The following PIEZO2 variants were observed in gnomAD, a reference collection of about 807,000 sequenced individuals.
The protein encoded by PIEZO2 is piezo-type mechanosensitive ion channel component 2.
Under a neutral mutation model 337.3 loss-of-function variants are expected in PIEZO2, and 172 were observed. The observed-to-expected ratio is 0.51, with a 90% CI of 0.45 to 0.58. The LOEUF is 0.58. PIEZO2 is among the 20% of genes least tolerant of loss of function. PIEZO2 has a pLI of 0.00. For synonymous variants in PIEZO2, 1,251 were observed against 1,228.5 expected (o/e 1.02, Z -0.38); for missense variants, 3,028 against 3,391.3 (o/e 0.89, Z 2.66).
rs183732463 is a variant in PIEZO2 at position 10,733,908 on chromosome 18, C to T, written c.4914+1324G>A. Among the ~76,000 whole-genome samples, 215 of 152,286 alleles carry T rather than the reference C, an allele frequency of 1.4e-3. 1 individual carries two copies. The highest frequency in any genetic ancestry group is 0.014 in the Middle Eastern group (4 of 294). The stretch of plus-strand genomic sequence containing the variant: ...CCAAAGAGCTACTACCAGTAGCATG[C>T]GTTCCTGACTTTATCTTAAATTTTA... On this transcript the variant is annotated intron_variant, in intron 35 of 55. Transcript: ENST00000674853.
intron 1 of PIEZO2, among the ~76,000 whole-genome samples, chr18:11,124,225 C>A (rs1362701407): frequency 6.6e-6 from 1 of 152,108 alleles, no homozygotes; most frequent in Non-Finnish European, 1.5e-5. Context: ...ATGTGAGTTG[C>A]TCAATATTTG....
intron 3 of PIEZO2, among the ~76,000 whole-genome samples, chr18:10,965,999 C>T (rs1056874771): frequency 3.3e-5 from 5 of 152,098 alleles, no homozygotes; most frequent in African/African-American, 1.2e-4. Flanking sequence ...TTGCTCTGAA[C>T]GGATAAAGAA....
At chr18:10,887,032 C>T (rs988920706) in intron 4 of PIEZO2, among the ~76,000 whole-genome samples, 4 of 144,810 alleles carry the variant, frequency 2.8e-5, no homozygotes, top group Non-Finnish European at 4.5e-5. Context: ...GCAAGAGAGA[C>T]GGAGAGTTGT....
intron 4 of PIEZO2, among the ~76,000 whole-genome samples, chr18:10,907,528 C>T (rs1478653706): frequency 3.3e-5 from 5 of 152,126 alleles, no homozygotes; most frequent in Non-Finnish European, 7.4e-5. Context: ...TGACACACCC[C>T]GTGGAGGCGA....
chr18:10,896,526 C>T (rs1043668278), intron 4 of PIEZO2, among the ~76,000 whole-genome samples: 25 of 152,066 alleles, frequency 1.6e-4, no homozygotes, highest in Non-Finnish European at 3.5e-4. Flanking sequence ...GTTTTCAAAC[C>T]CAAACATTTC....
chr18:10,906,299 A>G (rs1456396139), intron 4 of PIEZO2, among the ~76,000 whole-genome samples: 1 of 152,256 alleles, frequency 6.6e-6, no homozygotes, highest in Non-Finnish European at 1.5e-5. Flanking sequence ...ATCTGAAGTA[A>G]TGTTCTGATT....
rs1599008493 is a variant in PIEZO2 at position 11,132,134 on chromosome 18, A to C, written c.64+16391T>G. ...CTCTTCCAACATGGAAAGAGGAGAG[A>C]TTTGTTCTCACTGGAATAGACACTT... On this transcript the variant is annotated intron_variant, in intron 1 of 55. Coordinates refer to ENST00000674853, the MANE Select transcript of PIEZO2 (RefSeq NM_001378183.1). The surrounding 1 kb of genome is among the most constrained non-coding windows in gnomAD (Gnocchi z 4.7). 6.6e-6 allele frequency among the ~76,000 whole-genome samples: 1 copy of C among 152,066 alleles called. No homozygotes were observed. Among genetic ancestry groups the C allele is most frequent in the Non-Finnish European group, 1.5e-5 (1 of 68,010 alleles).
Position 10,903,563 on chromosome 18 carries a change from G to C in PIEZO2, c.329+7623C>G, listed in dbSNP as rs991808936. 7.9e-5 allele frequency among the ~76,000 whole-genome samples: 12 copies of C among 152,212 alleles called. No homozygotes were observed. Among genetic ancestry groups the C allele is most frequent in the African/African-American group, 2.9e-4 (12 of 41,524 alleles). On this transcript the variant is annotated intron_variant, in intron 4 of 55. Coordinates refer to ENST00000674853, the MANE Select transcript of PIEZO2 (RefSeq NM_001378183.1). The surrounding 1 kb of genome is among the most constrained non-coding windows in gnomAD (Gnocchi z 4.1). ...CGCGCTCCTGTAGTCCCAGCTACTT[G>C]GGAGGCTGAGGCAGGAGAATGGCAT...
chr18:10,704,342 C>T (rs907517227), intron 42 of PIEZO2, 52 bp downstream of exon 42: 14 of 1,521,148 alleles, frequency 9.2e-6, no homozygotes, highest in Non-Finnish European at 1.2e-5. Context: ...AGGTATGCTT[C>T]CCCTTGCATA....
At chr18:10,749,112 G>C (rs999817873) in intron 29 of PIEZO2, among the ~76,000 whole-genome samples, 2 of 152,090 alleles carry the variant, frequency 1.3e-5, no homozygotes, top group African/African-American at 2.4e-5. Flanking sequence ...TCCCAGTGAG[G>C]CTTCGGCAAA....
chr18:10,932,267 A>G (rs561088260), intron 3 of PIEZO2, among the ~76,000 whole-genome samples: 71 of 152,250 alleles, frequency 4.7e-4, no homozygotes, highest in African/African-American at 1.7e-3. Context: ...ATGGTGGCAC[A>G]TGCCTGTGGT....
intron 2 of PIEZO2, among the ~76,000 whole-genome samples, chr18:11,006,549 T>G (rs779318793): frequency 5.3e-5 from 8 of 152,120 alleles, no homozygotes; most frequent in Admixed American, 2.0e-4. Context: ...TTTATGGAGA[T>G]CCAAACTTTA....
At chr18:10,752,603 C>T (rs754836824) in intron 28 of PIEZO2, 33 bp downstream of exon 28, 137 of 1,532,804 alleles carry the variant, frequency 8.9e-5, no homozygotes, top group Non-Finnish European at 1.2e-4. Flanking sequence ...TACACGAAAA[C>T]CGCAAATGTG....
At chr18:10,780,204 T>C in intron 18 of PIEZO2, 121 bp downstream of exon 18, 2 of 661,520 alleles carry the variant, frequency 3.0e-6, no homozygotes, top group Admixed American at 2.1e-5. Flanking sequence ...TCCATGAGCA[T>C]ACCTGAAGAC....
At chr18:10,725,178 C>G in intron 36 of PIEZO2, 1 of 1,525,982 alleles carries the variant, frequency 6.6e-7, no homozygotes, top group Non-Finnish European at 9.1e-7. Context: ...GACAGTTCAT[C>G]CATCAGGCAG....
intron 2 of PIEZO2, among the ~76,000 whole-genome samples, chr18:11,010,954 C>T (rs1316359426): frequency 6.6e-6 from 1 of 152,194 alleles, no homozygotes; most frequent in Non-Finnish European, 1.5e-5. Flanking sequence ...ATTAGTTTTT[C>T]AATGTGCTAA....
At chr18:10,886,496 A>ATATATATATG in intron 4 of PIEZO2, among the ~76,000 whole-genome samples, 2 of 123,416 alleles carry the variant, frequency 1.6e-5, no homozygotes, top group African/African-American at 6.9e-5. Flanking sequence ...CCATATATAT[A>ATATATATATG]TACGCATATA....
At position 11,127,803 on chromosome 18, in the gene PIEZO2, A is replaced by ATGTGTGTGTGTG. The variant is rs34849868; in HGVS notation, c.64+20710_64+20721dup. On this transcript the variant is annotated intron_variant, in intron 1 of 55. Transcript: ENST00000674853. This position sits in a 1 kb window ranked among gnomAD's most constrained non-coding sequence, Gnocchi z 4.5. ...TGCATATACGTGTGTGTGTGTGTGC[A>ATGTGTGTGTGTG]TGTGTGTGTGTGTGTGTGTGTGTAT... Among the ~76,000 whole-genome samples, 5,859 of 146,748 alleles carry ATGTGTGTGTGTG rather than the reference A, an allele frequency of 0.04. 138 individuals carry two copies. The highest frequency in any genetic ancestry group is 0.053 in the Non-Finnish European group (3,573 of 67,004).
Position 10,855,065 on chromosome 18 carries a change from C to T in PIEZO2, c.917+288G>A, listed in dbSNP as rs2041665200. ...TTCGGTGTAAAATGTTCTTCCTGAT[C>T]TTCTTCCCCAGCTGAGACTCTGTGT... On this transcript the variant is annotated intron_variant, in intron 7 of 55. Coordinates refer to ENST00000674853, the MANE Select transcript of PIEZO2 (RefSeq NM_001378183.1). The surrounding 1 kb of genome is among the most constrained non-coding windows in gnomAD (Gnocchi z 4.9). Among the ~76,000 whole-genome samples, 1 of 152,160 alleles carries T rather than the reference C, an allele frequency of 6.6e-6. No homozygotes were observed. Among genetic ancestry groups the T allele is most frequent in the Admixed American group, 6.5e-5 (1 of 15,272 alleles).
Sources: allele counts gnomAD v4.1 joint callset (sites outside exome capture counted in the v4.1 genomes callset), GRCh38; gene constraint gnomAD v4.1.1; non-coding constraint Gnocchi (gnomAD v3.1); transcripts MANE v1.5; gene names NCBI Gene and HGNC (gene_info 2026-07-23, HGNC 2026-07-21).